PTP4A1: variants seen among roughly 807,000 people sequenced by gnomAD.
PTP4A1 encodes protein tyrosine phosphatase 4A1, also known as protein tyrosine phosphatase type IVA 1.
Under a neutral mutation model 20.5 loss-of-function variants are expected in PTP4A1, and 9 were observed. The observed-to-expected ratio is 0.44, with a 90% CI of 0.26 to 0.77. The LOEUF is 0.77. Ranked by LOEUF, PTP4A1 falls within the 30% of genes least tolerant of loss-of-function variation. PTP4A1 has a pLI of 0.19. For synonymous variants in PTP4A1, 78 were observed against 67.4 expected (o/e 1.16, Z -0.77); for missense variants, 137 against 218.8 (o/e 0.63, Z 2.36).
In PTP4A1 at chr6:63,572,513, GGCCGGCTCGGCTACGCGCTCTGCTCCGA is replaced by G; in HGVS notation, c.-647_-620del. 5.1e-6 allele frequency: 2 copies of G among 391,692 alleles called. No individual in the cohort carries two copies. Among genetic ancestry groups the G allele is most frequent in the Non-Finnish European group, 9.0e-6 (2 of 221,590 alleles). The allele number at this position is 391,692 out of a possible 1,614,324, so 24.3% of individuals were successfully genotyped here. Reference sequence around the variant, plus strand: ...GCGTGTATTGGCTCCTTCGGCTGCGGGCCGGCTCGGCTACGCGCTCTGCTCCGAGCCGCTCACTGCATGGTAGAGTCTG... The same window carrying G: ...GCGTGTATTGGCTCCTTCGGCTGCGGGCCGCTCACTGCATGGTAGAGTCTG... On this transcript the variant is annotated 5_prime_UTR_variant, in exon 1 of 6. Coordinates refer to ENST00000626021, the MANE Select transcript of PTP4A1 (RefSeq NM_003463.5).
chr6:63,527,141 T>C (rs1178214927), intron 1 of PTP4A1, among the ~76,000 whole-genome samples: 1 of 152,148 alleles, frequency 6.6e-6, no homozygotes, highest in East Asian at 1.9e-4. Context: ...ACTCAACACA[T>C]GTTGGAACTG....
At chr6:63,518,373 A>T (rs984749165), upstream of PTP4A1, among the ~76,000 whole-genome samples, 2 of 152,160 alleles carry the variant, frequency 1.3e-5, no homozygotes, top group African/African-American at 4.8e-5. Context: ...AGGTCCTGGC[A>T]GAAAAGGCAA....
At chr6:63,531,961 T>G (rs1350034762) in intron 2 of PTP4A1, among the ~76,000 whole-genome samples, 4 of 151,884 alleles carry the variant, frequency 2.6e-5, no homozygotes, top group Admixed American at 2.6e-4. Flanking sequence ...CCACCATGGC[T>G]GGTTAATTTT....
At chr6:63,534,991 C>G (rs1302413498) in intron 2 of PTP4A1, among the ~76,000 whole-genome samples, 2 of 151,958 alleles carry the variant, frequency 1.3e-5, no homozygotes, top group Non-Finnish European at 2.9e-5. Flanking sequence ...ACCCAGGAGG[C>G]AGAGGTTGCA....
chr6:63,549,764 T>C (rs1282168228), intron 2 of PTP4A1, among the ~76,000 whole-genome samples: 2 of 151,900 alleles, frequency 1.3e-5, no homozygotes, highest in Admixed American at 6.6e-5. Context: ...AAAAAGTTGA[T>C]CTTATAGAAG....
chr6:63,525,774 G>A (rs560316725), intron 1 of PTP4A1, among the ~76,000 whole-genome samples: 11 of 152,112 alleles, frequency 7.2e-5, no homozygotes, highest in Admixed American at 2.0e-4. Flanking sequence ...TTTTTCCCCT[G>A]TCAGTCCTCC....
intron 2 of PTP4A1, among the ~76,000 whole-genome samples, chr6:63,549,989 T>C (rs1342135093): frequency 6.6e-6 from 1 of 152,196 alleles, no homozygotes; most frequent in Non-Finnish European, 1.5e-5. Flanking sequence ...GTGATAAATG[T>C]TTGAGATGAG....
chr6:63,583,294 A>G lies in PTP4A1; in HGVS notation c.*3120A>G, dbSNP rs1778364328. On this transcript the variant is annotated 3_prime_UTR_variant, in exon 6 of 6. Transcript: ENST00000626021. ...TCTGCCATACATGTTAATATTCTAC[A>G]TTCTTGCTTCCTTAAATTAATATGT... 1.3e-5 allele frequency: 2 copies of G among 152,214 alleles called. No individual in the cohort carries two copies. Among genetic ancestry groups the G allele is most frequent in the African/African-American group, 4.8e-5 (2 of 41,466 alleles). The allele number at this position is 152,214 out of a possible 1,614,324, so 9.4% of individuals were successfully genotyped here.
At position 63,572,613 on chromosome 6, in the gene PTP4A1, ACCACCGCCGCCTCCTGCCCTGCAG is replaced by A. The variant is rs1777525878; in HGVS notation, c.-543_-520del. 1 of 419,746 alleles carries A rather than the reference ACCACCGCCGCCTCCTGCCCTGCAG, an allele frequency of 2.4e-6. No homozygotes were observed. Among genetic ancestry groups the A allele is most frequent in the South Asian group, 1.1e-4 (1 of 9,398 alleles). The allele number at this position is 419,746 out of a possible 1,614,324, so 26.0% of individuals were successfully genotyped here. The stretch of plus-strand genomic sequence containing the variant: ...TCGCCGCCACCGCCGCTCCGCCACG[ACCACCGCCGCCTCCTGCCCTGCAG>A]CCACCGCCACCGCCTGTGTCGCCGC... On this transcript the variant is annotated 5_prime_UTR_variant, in exon 1 of 6. Coordinates refer to ENST00000626021, the MANE Select transcript of PTP4A1 (RefSeq NM_003463.5).
chr6:63,525,214 T>C (rs1378216333), intron 1 of PTP4A1, among the ~76,000 whole-genome samples: 1 of 152,162 alleles, frequency 6.6e-6, no homozygotes, highest in East Asian at 1.9e-4. Flanking sequence ...TCCTGGTGAA[T>C]TGTGTGTCTG....
Position 63,576,796 on chromosome 6 carries a change from A to T in PTP4A1, c.-85A>T. 2 of 1,066,788 alleles carry T rather than the reference A, an allele frequency of 1.9e-6. No individual in the cohort carries two copies. The highest frequency in any genetic ancestry group is 2.8e-6 in the Non-Finnish European group (2 of 718,220). 66.1% of individuals were successfully genotyped at this position (1,066,788 alleles called of 1,614,324 possible). A position where few individuals can be genotyped will look rare whatever the true frequency, so the allele number is the denominator to read the frequency against. On this transcript the variant is annotated 5_prime_UTR_variant, in exon 2 of 6. Transcript: ENST00000626021. The stretch of plus-strand genomic sequence containing the variant: ...AATTTCAAGTGGAGTATATTGAAGT[A>T]GACTTCAGTTTCTTTGCATCATTTC...
chr6:63,579,347 T>C lies in PTP4A1; in HGVS notation c.404+16T>C. ...TCATAAGACAGTAAGTAATGGATTC[T>C]CTTTTCATTTGTACTCTCTTTCATT... is the stretch of plus-strand genomic sequence containing the variant. On this transcript the variant is annotated intron_variant, in intron 5 of 5. Coordinates refer to ENST00000626021, the MANE Select transcript of PTP4A1 (RefSeq NM_003463.5). The C allele has an allele frequency of 6.4e-7, 1 of 1,559,882 alleles. No homozygotes were observed. The highest frequency in any genetic ancestry group is 1.2e-5 in the South Asian group (1 of 86,890).
intron 2 of PTP4A1, among the ~76,000 whole-genome samples, chr6:63,530,313 A>G (rs1351756721): frequency 6.6e-6 from 1 of 152,200 alleles, no homozygotes; most frequent in Non-Finnish European, 1.5e-5. Context: ...ACACAGCTAC[A>G]GACAAAGCCA....
At position 63,582,669 on chromosome 6, in the gene PTP4A1, T is replaced by A. The variant is rs1223050101; in HGVS notation, c.*2495T>A. 1.3e-5 allele frequency: 2 copies of A among 152,224 alleles called. No individual in the cohort carries two copies. The highest frequency in any genetic ancestry group is 2.9e-5 in the Non-Finnish European group (2 of 68,034). The allele number at this position is 152,224 out of a possible 1,614,324, so 9.4% of individuals were successfully genotyped here. On this transcript the variant is annotated 3_prime_UTR_variant, in exon 6 of 6. Coordinates refer to ENST00000626021, the MANE Select transcript of PTP4A1 (RefSeq NM_003463.5). The stretch of plus-strand genomic sequence containing the variant: ...GTAAATAGAGGCTAGCTACCTAGGC[T>A]TGTCTATAGCAACCATAATGTTGAT...
At chr6:63,560,155 T>C (rs1006319744) in intron 3 of PTP4A1, among the ~76,000 whole-genome samples, 2 of 151,826 alleles carry the variant, frequency 1.3e-5, no homozygotes, top group African/African-American at 4.8e-5. Flanking sequence ...CTGGCAAACA[T>C]GGGGAAACCC....
chr6:63,555,693 T>A (rs1019556824), intron 3 of PTP4A1, among the ~76,000 whole-genome samples: 1 of 103,366 alleles, frequency 9.7e-6, no homozygotes, highest in African/African-American at 4.6e-5. Context: ...AATTACACTC[T>A]TTTTTTTTTT....
chr6:63,516,985 A>G (rs965287974), upstream of PTP4A1, among the ~76,000 whole-genome samples: 2 of 152,188 alleles, frequency 1.3e-5, no homozygotes, highest in African/African-American at 2.4e-5. Context: ...GGCAAGAGAA[A>G]TAAACCATTG....
intron 1 of PTP4A1, among the ~76,000 whole-genome samples, chr6:63,573,910 TC>T (rs1307038710): frequency 6.6e-6 from 1 of 152,158 alleles, no homozygotes; most frequent in East Asian, 1.9e-4. Context: ...TTTAGAACTA[TC>T]CCTGAGCTCT....
intron 2 of PTP4A1, among the ~76,000 whole-genome samples, chr6:63,534,476 C>T (rs1458022430): frequency 6.6e-6 from 1 of 151,674 alleles, no homozygotes; most frequent in Non-Finnish European, 1.5e-5. Flanking sequence ...CACACACACA[C>T]ACACACACAC....
Sources: allele counts gnomAD v4.1 joint callset (sites outside exome capture counted in the v4.1 genomes callset), GRCh38; gene constraint gnomAD v4.1.1; transcripts MANE v1.5; gene names NCBI Gene and HGNC (gene_info 2026-07-23, HGNC 2026-07-21).